Variants in PCDH15 observed in about 807,000 individuals in gnomAD.
PCDH15 encodes the protein protocadherin related 15, also known as protocadherin-15.
PCDH15 carries 129 observed loss-of-function variants against 178.5 expected under a neutral mutation model. The ratio of observed to expected loss-of-function variants is 0.72; its 90% CI spans 0.63 to 0.84. The LOEUF (loss-of-function observed/expected upper bound fraction) is 0.84, where lower values mean the gene tolerates loss of function less well. Among genes scored for constraint, PCDH15 ranks in the 40% least tolerant of loss-of-function variants. PCDH15 has a pLI of 0.00. For synonymous variants in PCDH15, 800 were observed against 732.0 expected (o/e 1.09, Z -1.50); for missense variants, 2,230 against 2,099.9 (o/e 1.06, Z -1.21).
chr10:54,830,356 T>G (rs983408401), intron 3 of PCDH15, among the ~76,000 whole-genome samples: 5 of 152,074 alleles, frequency 3.3e-5, no homozygotes, highest in Non-Finnish European at 5.9e-5. Context: ...AATGATAGAC[T>G]GGATTAACAA....
intron 32 of PCDH15, chr10:53,821,471 T>C: frequency 2.0e-6 from 2 of 1,020,356 alleles, no homozygotes; most frequent in African/African-American, 1.7e-5. Context: ...GCTTTTTTCT[T>C]GGAACATTCA....
At chr10:54,282,648 T>C (rs1417216807) in intron 8 of PCDH15, among the ~76,000 whole-genome samples, 1 of 152,024 alleles carries the variant, frequency 6.6e-6, no homozygotes, top group Non-Finnish European at 1.5e-5. Context: ...CTTAGCTCAA[T>C]TGGTGATTAA....
chr10:53,865,278 C>T (rs2079371875), intron 27 of PCDH15, among the ~76,000 whole-genome samples: 1 of 152,014 alleles, frequency 6.6e-6, no homozygotes, highest in Non-Finnish European at 1.5e-5. Flanking sequence ...TGATGTACTG[C>T]TTATTATAAT....
At chr10:54,764,783 T>C (rs1371999459) in intron 1 of PCDH15, among the ~76,000 whole-genome samples, 1 of 152,116 alleles carries the variant, frequency 6.6e-6, no homozygotes, top group Non-Finnish European at 1.5e-5. Context: ...AATAGTTCCA[T>C]GCAAGCAATT....
At position 54,554,928 on chromosome 10, in the gene PCDH15, G is replaced by A. The variant is rs1368011002; in HGVS notation, c.92-27051C>T. ...TGGCTATTTCTCCTCAATTTATCAA[G>A]TATCAGAGGAGGAAGCTTCCTGAAT... On this transcript the variant is annotated intron_variant, in intron 2 of 37. Coordinates refer to ENST00000644397, the MANE Select transcript of PCDH15 (RefSeq NM_001384140.1). 2.0e-5 allele frequency among the ~76,000 whole-genome samples: 3 copies of A among 152,126 alleles called. No homozygotes were observed. In the East Asian group the frequency reaches 5.8e-4, roughly 29 times the overall value.
intron 3 of PCDH15, among the ~76,000 whole-genome samples, chr10:54,834,065 T>TA (rs1953271141): frequency 1.3e-5 from 2 of 152,194 alleles, no homozygotes. Flanking sequence ...TGCTTAGTCT[T>TA]AATTTCTTCA....
At chr10:54,938,322 T>C (rs1454035638) in intron 2 of PCDH15, among the ~76,000 whole-genome samples, 6 of 148,508 alleles carry the variant, frequency 4.0e-5, no homozygotes, top group African/African-American at 9.8e-5. Context: ...TATATGTTGA[T>C]GGATGTAGTC....
At chr10:53,994,214 T>G (rs2091704551) in intron 21 of PCDH15, among the ~76,000 whole-genome samples, 1 of 152,220 alleles carries the variant, frequency 6.6e-6, no homozygotes, top group Admixed American at 6.5e-5. Flanking sequence ...AAGTAATAAA[T>G]TTACTGTCTA....
chr10:54,277,802 G>A (rs2058433616), intron 8 of PCDH15, among the ~76,000 whole-genome samples: 1 of 151,546 alleles, frequency 6.6e-6, no homozygotes, highest in African/African-American at 2.4e-5. Context: ...GGGAAATTTG[G>A]AAGTAGAGGT....
At chr10:55,204,458 T>C (rs191329759) in intron 1 of PCDH15, among the ~76,000 whole-genome samples, 258 of 152,136 alleles carry the variant, frequency 1.7e-3, no homozygotes, top group Non-Finnish European at 3.1e-3. Context: ...GAAGTGCTTA[T>C]GCCATTACCA....
intron 2 of PCDH15, among the ~76,000 whole-genome samples, chr10:54,999,301 A>T (rs898841794): frequency 1.4e-5 from 1 of 72,982 alleles, no homozygotes; most frequent in African/African-American, 4.7e-5. Context: ...AAATAAATAA[A>T]GAAAATTTTT....
chr10:54,769,686 G>T (rs1381055578), intron 1 of PCDH15, among the ~76,000 whole-genome samples: 1 of 151,998 alleles, frequency 6.6e-6, no homozygotes, highest in African/African-American at 2.4e-5. Context: ...TCTTTGGGAA[G>T]TAGTTGTGAC....
intron 1 of PCDH15, among the ~76,000 whole-genome samples, chr10:54,718,433 C>T (rs898473851): frequency 6.6e-6 from 1 of 151,968 alleles, no homozygotes; most frequent in Admixed American, 6.6e-5. Context: ...GGAAAGCCAT[C>T]ATACAAAGGC....
intron 2 of PCDH15, among the ~76,000 whole-genome samples, chr10:54,610,550 T>A (rs538618748): frequency 6.6e-6 from 1 of 151,922 alleles, no homozygotes; most frequent in Non-Finnish European, 1.5e-5. Flanking sequence ...AATGTGTACT[T>A]GTCCTTCCGT....
chr10:54,098,946 C>T (rs1053988476), intron 15 of PCDH15, among the ~76,000 whole-genome samples: 17 of 152,032 alleles, frequency 1.1e-4, no homozygotes, highest in African/African-American at 3.9e-4. Context: ...TTTATTTGTT[C>T]TTTGTTTTAG....
chr10:55,618,445 T>G (rs1843521675), intron 2 of PCDH15, among the ~76,000 whole-genome samples: 1 of 152,072 alleles, frequency 6.6e-6, no homozygotes, highest in Non-Finnish European at 1.5e-5. Flanking sequence ...AATATTCATA[T>G]AGTTTACCTT....
At chr10:55,579,158 A>G (rs1842556144) in intron 2 of PCDH15, among the ~76,000 whole-genome samples, 1 of 152,224 alleles carries the variant, frequency 6.6e-6, no homozygotes, top group African/African-American at 2.4e-5. Context: ...ATAGTTACTG[A>G]ATTTAGAATT....
intron 2 of PCDH15, among the ~76,000 whole-genome samples, chr10:54,994,901 AAATT>A (rs1409961511): frequency 6.6e-6 from 1 of 152,198 alleles, no homozygotes; most frequent in African/African-American, 2.4e-5. Context: ...GTTCCAACAT[AAATT>A]AATCATTTAG....
chr10:54,867,123 T>C (rs1221357688), intron 3 of PCDH15, among the ~76,000 whole-genome samples: 1 of 152,166 alleles, frequency 6.6e-6, no homozygotes, highest in African/African-American at 2.4e-5. Context: ...ATTACTACAA[T>C]AGGCAGAAGA....
Sources: gnomAD v4.1 joint callset for allele counts (sites outside exome capture counted in the v4.1 genomes callset) on GRCh38, gnomAD v4.1.1 for gene constraint, MANE v1.5 for transcripts, NCBI Gene and HGNC (gene_info 2026-07-23, HGNC 2026-07-21) for gene names.